LRRC2: variants seen among roughly 807,000 people sequenced by gnomAD.
LRRC2 encodes the protein leucine rich repeat containing 2.
Under a neutral mutation model 40.2 loss-of-function variants are expected in LRRC2, and 27 were observed. The observed-to-expected ratio is 0.67, with a 90% CI of 0.49 to 0.93. The LOEUF is 0.93. Among genes scored for constraint, LRRC2 ranks in the 40% least tolerant of loss-of-function variants. The probability of loss-of-function intolerance (pLI) is 0.00; values close to 1 mark genes in which losing one functional copy is unlikely to be tolerated. For synonymous variants in LRRC2, 147 were observed against 158.9 expected (o/e 0.92, Z 0.56); for missense variants, 402 against 439.6 (o/e 0.91, Z 0.76).
intron 8 of LRRC2, among the ~76,000 whole-genome samples, chr3:46,520,127 A>T (rs1703939509): frequency 6.7e-6 from 1 of 148,644 alleles, no homozygotes; most frequent in East Asian, 1.9e-4. Context: ...GTAAATAATA[A>T]CTAATAATAT....
chr3:46,526,876 C>A (rs946532165), intron 7 of LRRC2, among the ~76,000 whole-genome samples: 1 of 152,360 alleles, frequency 6.6e-6, no homozygotes, highest in East Asian at 1.9e-4. Flanking sequence ...ATTAATGGGG[C>A]AACCCCAAAG....
In LRRC2 at chr3:46,539,285, A is replaced by C. The variant is rs1027449615; in HGVS notation, c.334-84T>G. 5 of 1,346,302 alleles carry C rather than the reference A, an allele frequency of 3.7e-6. No homozygotes were observed. The African/African-American group carries it at 7.3e-5, about 20-fold the overall frequency. 83.4% of individuals were successfully genotyped at this position (1,346,302 alleles called of 1,614,324 possible). A position where few individuals can be genotyped will look rare whatever the true frequency, so the allele number is the denominator to read the frequency against. On this transcript the variant is annotated intron_variant, in intron 3 of 8. Transcript: ENST00000395905. ...TAAAACCAAGCATTTATTTTAAAACAGGAAGTGAGAAAGCAGACACGAGAG... is the reference window on the plus strand; with the variant it reads ...TAAAACCAAGCATTTATTTTAAAACCGGAAGTGAGAAAGCAGACACGAGAG...
At chr3:46,555,596 G>A (rs1704773917) in intron 1 of LRRC2, among the ~76,000 whole-genome samples, 1 of 152,062 alleles carries the variant, frequency 6.6e-6, no homozygotes. Context: ...CTTAGAAACA[G>A]TATGTTACCA....
chr3:46,559,805 A>G (rs1704895489), intron 1 of LRRC2: 1 of 152,196 alleles, frequency 6.6e-6, no homozygotes, highest in Non-Finnish European at 1.5e-5. Context: ...TTTTGGTGGG[A>G]AAGAGCATAT....
At chr3:46,536,516 C>T (rs753452531) in intron 4 of LRRC2, among the ~76,000 whole-genome samples, 28 of 152,144 alleles carry the variant, frequency 1.8e-4, no homozygotes, top group Non-Finnish European at 2.4e-4. Flanking sequence ...TGGTCCCCCA[C>T]GGATACCCCT....
intron 1 of LRRC2, among the ~76,000 whole-genome samples, chr3:46,556,300 AT>A (rs902326866): frequency 6.6e-6 from 1 of 152,002 alleles, no homozygotes; most frequent in Non-Finnish European, 1.5e-5. Context: ...TTTTAAAAAA[AT>A]ATTTTTGCAG....
intron 8 of LRRC2, among the ~76,000 whole-genome samples, chr3:46,519,511 C>T (rs1177854186): frequency 6.6e-6 from 1 of 152,222 alleles, no homozygotes; most frequent in Admixed American, 6.5e-5. Context: ...CTCAGCCTGG[C>T]TCTTCCCACT....
chr3:46,522,529 TAGAG>T (rs1703981954), intron 7 of LRRC2, among the ~76,000 whole-genome samples: 1 of 151,442 alleles, frequency 6.6e-6, no homozygotes. Context: ...CTGGGCAACA[TAGAG>T]AGACTCCATC....
intron 6 of LRRC2, 89 bp downstream of exon 6, chr3:46,529,816 T>G: frequency 7.4e-7 from 1 of 1,352,516 alleles, no homozygotes; most frequent in Non-Finnish European, 1.0e-6. Flanking sequence ...CCAAAGAACA[T>G]TCATGTACTA....
chr3:46,530,184 G>GTAT (rs1704134213), intron 5 of LRRC2, 134 bp from the exon 6 acceptor site: 1 of 702,912 alleles, frequency 1.4e-6, no homozygotes, highest in South Asian at 1.8e-5. Context: ...AATACAGTAT[G>GTAT]TATTTTGAAG....
intron 6 of LRRC2, among the ~76,000 whole-genome samples, chr3:46,529,496 T>C (rs76326019): frequency 0.053 from 8,050 of 152,302 alleles, 706 homozygotes; most frequent in African/African-American, 0.18. Flanking sequence ...TCAATTTTGT[T>C]TGAAAGTTTA....
intron 1 of LRRC2, among the ~76,000 whole-genome samples, chr3:46,554,524 A>G (rs1445934975): frequency 4.6e-5 from 7 of 151,916 alleles, no homozygotes; most frequent in African/African-American, 1.7e-4. Flanking sequence ...GCACACCTGT[A>G]GTCCCAGCTA....
chr3:46,530,230 G>A (rs983003837), intron 5 of LRRC2, among the ~76,000 whole-genome samples, 180 bp from the exon 6 acceptor site: 2 of 152,160 alleles, frequency 1.3e-5, no homozygotes, highest in African/African-American at 4.8e-5. Flanking sequence ...CACACGTAGA[G>A]AAGTTAAGAT....
chr3:46,538,820 T>C (rs986822293), intron 4 of LRRC2, among the ~76,000 whole-genome samples: 2 of 152,214 alleles, frequency 1.3e-5, no homozygotes, highest in African/African-American at 2.4e-5. Context: ...TTCTGAGCAA[T>C]TGGCAAGTGT....
At chr3:46,547,944 C>T (rs1348737682) in intron 2 of LRRC2, among the ~76,000 whole-genome samples, 1 of 152,174 alleles carries the variant, frequency 6.6e-6, no homozygotes, top group Non-Finnish European at 1.5e-5. Context: ...AAGGGGCAGA[C>T]TCTAGGTCAA....
At chr3:46,534,419 CCTTCCTTTCTTTCTTTCTTTCTTT>C (rs796725682) in intron 4 of LRRC2, among the ~76,000 whole-genome samples, 7,711 of 111,090 alleles carry the variant, frequency 0.069, 731 homozygotes, top group African/African-American at 0.22. Flanking sequence ...TCTTTTCCTT[CCTTCCTTTCTTTCTTTCTTTCTTT>C]CTTTCTTTCT....
At chr3:46,537,936 G>A (rs1704301688) in intron 4 of LRRC2, among the ~76,000 whole-genome samples, 1 of 152,192 alleles carries the variant, frequency 6.6e-6, no homozygotes, top group Admixed American at 6.5e-5. Flanking sequence ...CTGAGCTTGG[G>A]GAACCCACCA....
chr3:46,544,467 G>GAACAAAACAA (rs760595239), intron 3 of LRRC2, among the ~76,000 whole-genome samples: 1 of 152,130 alleles, frequency 6.6e-6, no homozygotes. Context: ...CAAGACTCTT[G>GAACAAAACAA]AACAAAACAA....
At chr3:46,558,577 T>C (rs914634778) in intron 1 of LRRC2, 1 of 152,274 alleles carries the variant, frequency 6.6e-6, no homozygotes, top group African/African-American at 2.4e-5. Flanking sequence ...CATGCGCAGC[T>C]AGGGGAGGAG....
Sources: allele counts gnomAD v4.1 joint callset (sites outside exome capture counted in the v4.1 genomes callset), GRCh38; gene constraint gnomAD v4.1.1; transcripts MANE v1.5; gene names NCBI Gene and HGNC (gene_info 2026-07-23, HGNC 2026-07-21).